SLC71A2: variants seen among roughly 807,000 people sequenced by gnomAD.
The protein encoded by SLC71A2 is hippocampus abundant transcript-like 1.
the SLC71A2 span, among the ~76,000 whole-genome samples, chr9:94,446,579 GAGTA>G: frequency 2.6e-5 from 4 of 152,114 alleles, no homozygotes; most frequent in Admixed American, 2.0e-4. Context: ...TAACAAAGAT[GAGTA>G]AGTGTGTTTT....
At chr9:94,416,854 CAAA>C in the SLC71A2 span, among the ~76,000 whole-genome samples, 7 of 131,924 alleles carry the variant, frequency 5.3e-5, no homozygotes, top group African/African-American at 8.3e-5. Flanking sequence ...AACTCCATCT[CAAA>C]AAAAAAAAAA....
At chr9:94,381,053 TGAGATGGA>T in the SLC71A2 span, among the ~76,000 whole-genome samples, 1 of 95,894 alleles carries the variant, frequency 1.0e-5, no homozygotes, top group Non-Finnish European at 2.2e-5. Flanking sequence ...TTTTTTTTTT[TGAGATGGA>T]GTTTCACTCT....
the SLC71A2 span, chr9:94,374,994 C>T: frequency 3.9e-5 from 43 of 1,116,190 alleles, no homozygotes; most frequent in Non-Finnish European, 4.7e-5. Flanking sequence ...CACCCAGGGC[C>T]CGCGAGCCCG....
chr9:94,417,855 CCCA>C, the SLC71A2 span, among the ~76,000 whole-genome samples: 381 of 38,272 alleles, frequency 1.0e-2, 1 homozygote, highest in Non-Finnish European at 0.017. Flanking sequence ...AAGTTCCCAC[CCCA>C]CCCCCCCCCC....
the SLC71A2 span, among the ~76,000 whole-genome samples, chr9:94,453,030 CA>C: frequency 1.3e-5 from 2 of 151,694 alleles, no homozygotes; most frequent in Admixed American, 6.6e-5. Context: ...GGGAATGCAT[CA>C]AAACAAAGGC....
At chr9:94,458,226 A>ATT in the SLC71A2 span, 2 of 1,066,164 alleles carry the variant, frequency 1.9e-6, no homozygotes, top group East Asian at 5.3e-5. Flanking sequence ...GTCTTGCCGA[A>ATT]TTAGTGTATC....
chr9:94,450,742 G>A, the SLC71A2 span, among the ~76,000 whole-genome samples: 1 of 152,058 alleles, frequency 6.6e-6, no homozygotes, highest in African/African-American at 2.4e-5. Flanking sequence ...GCCTGCCTTG[G>A]CCTCCCAAAG....
At chr9:94,409,269 A>C in the SLC71A2 span, among the ~76,000 whole-genome samples, 1 of 142,896 alleles carries the variant, frequency 7.0e-6, no homozygotes, top group Admixed American at 7.3e-5. Context: ...CCTCCCAAAT[A>C]GCTGGGACTA....
chr9:94,459,505 G>A, the SLC71A2 span: 7 of 1,374,966 alleles, frequency 5.1e-6, no homozygotes, highest in Middle Eastern at 2.6e-4. Context: ...GATGGGAGAC[G>A]CTAGCGGCAT....
chr9:94,420,496 A>T, the SLC71A2 span, among the ~76,000 whole-genome samples: 1 of 152,206 alleles, frequency 6.6e-6, no homozygotes, highest in Non-Finnish European at 1.5e-5. Context: ...AGGTTTATAC[A>T]GCTGTACTGA....
the SLC71A2 span, among the ~76,000 whole-genome samples, chr9:94,378,249 A>G: frequency 2.0e-5 from 3 of 151,784 alleles, no homozygotes; most frequent in South Asian, 2.1e-4. Context: ...GAAGCTTAGC[A>G]CCAGCATCTG....
the SLC71A2 span, among the ~76,000 whole-genome samples, chr9:94,402,484 A>G: frequency 2.0e-5 from 3 of 152,152 alleles, no homozygotes; most frequent in Non-Finnish European, 2.9e-5. Flanking sequence ...AAGAGTCCCT[A>G]TATCTTTCCA....
At chr9:94,414,554 G>T in the SLC71A2 span, among the ~76,000 whole-genome samples, 1 of 152,164 alleles carries the variant, frequency 6.6e-6, no homozygotes, top group African/African-American at 2.4e-5. Context: ...CACGTAATTC[G>T]TAAGGGACAG....
the SLC71A2 span, among the ~76,000 whole-genome samples, chr9:94,419,552 A>T: frequency 6.6e-6 from 1 of 151,774 alleles, no homozygotes; most frequent in Non-Finnish European, 1.5e-5. Flanking sequence ...TGATCCGCCC[A>T]CCTCGGCCTC....
chr9:94,423,836 C>T, the SLC71A2 span, among the ~76,000 whole-genome samples: 1 of 152,176 alleles, frequency 6.6e-6, no homozygotes, highest in East Asian at 1.9e-4. Context: ...TTTCTGTTCT[C>T]TTAATGCCTT....
chr9:94,453,942 C>A, the SLC71A2 span: 10 of 1,535,630 alleles, frequency 6.5e-6, no homozygotes, highest in East Asian at 2.2e-4. Flanking sequence ...TCAGAGTTGT[C>A]TCCTTTACTT....
the SLC71A2 span, among the ~76,000 whole-genome samples, chr9:94,421,027 T>C: frequency 6.6e-6 from 1 of 151,930 alleles, no homozygotes; most frequent in Non-Finnish European, 1.5e-5. Context: ...CTCAATACTT[T>C]ATGCACTTTT....
At chr9:94,430,618 C>T in the SLC71A2 span, among the ~76,000 whole-genome samples, 3 of 152,172 alleles carry the variant, frequency 2.0e-5, no homozygotes, top group Admixed American at 6.5e-5. Context: ...GCACTTCTAC[C>T]TGTGATGTTA....
chr9:94,423,478 G>C, the SLC71A2 span, among the ~76,000 whole-genome samples: 2 of 151,970 alleles, frequency 1.3e-5, no homozygotes, highest in East Asian at 1.9e-4. Flanking sequence ...AGCCCTTTTC[G>C]CTAGTGGTCA....
Sources: gnomAD v4.1 joint callset for allele counts (sites outside exome capture counted in the v4.1 genomes callset) on GRCh38, gnomAD v4.1.1 for gene constraint, MANE v1.5 for transcripts, NCBI Gene and HGNC (gene_info 2026-07-23, HGNC 2026-07-21) for gene names.